Variants in TBC1D5 observed in about 807,000 individuals in gnomAD.
The protein encoded by TBC1D5 is TBC1 domain family, member 5.
A neutral mutation model predicts 100.3 loss-of-function variants in TBC1D5; 75 were observed. The observed-to-expected ratio is 0.75, with a 90% CI of 0.62 to 0.91. The LOEUF (loss-of-function observed/expected upper bound fraction) is 0.91. TBC1D5 is among the 40% of genes least tolerant of loss of function. The pLI, the probability that TBC1D5 is intolerant of heterozygous loss-of-function variation, is 0.00. For missense variants in TBC1D5, 910 were observed against 942.4 expected (o/e 0.97, Z 0.45); for synonymous variants, 323 against 325.6 (o/e 0.99, Z 0.09).
intron 15 of TBC1D5, among the ~76,000 whole-genome samples, chr3:17,273,013 C>A (rs959875131): frequency 6.6e-6 from 1 of 152,132 alleles, no homozygotes; most frequent in Non-Finnish European, 1.5e-5. Context: ...CCTCTACAAT[C>A]TTATTGCTTG....
intron 15 of TBC1D5, among the ~76,000 whole-genome samples, chr3:17,271,747 T>C (rs1457816138): frequency 1.3e-5 from 2 of 152,184 alleles, no homozygotes; most frequent in Non-Finnish European, 2.9e-5. Context: ...GGGTTTGTCA[T>C]AGATGACTCA....
rs536661852 is a variant in TBC1D5, at chr3:17,334,123, T to C, written c.996-25989A>G. 4.0e-4 allele frequency among the ~76,000 whole-genome samples: 61 copies of C among 152,154 alleles called. 1 individual carries two copies. The South Asian group carries it at 0.013, about 32-fold the overall frequency. On this transcript the variant is annotated intron_variant, in intron 13 of 21. Transcript: ENST00000253692. ...GGTGACAAGTCAGAGAGTAGCATGCTTAAAATGAAGGCTCTTGAGGTGGTG... is the reference window on the plus strand; with the variant it reads ...GGTGACAAGTCAGAGAGTAGCATGCCTAAAATGAAGGCTCTTGAGGTGGTG...
chr3:17,732,062 A>C (rs1164907201), intron 1 of TBC1D5, among the ~76,000 whole-genome samples: 2 of 152,172 alleles, frequency 1.3e-5, no homozygotes, highest in African/African-American at 4.8e-5. Context: ...TCACACCTGT[A>C]ATCCCAGCAC....
intron 9 of TBC1D5, among the ~76,000 whole-genome samples, chr3:17,379,157 T>C (rs1225109078): frequency 1.3e-5 from 2 of 151,960 alleles, no homozygotes; most frequent in Admixed American, 1.3e-4. Flanking sequence ...CATTATCATG[T>C]AGGTTACATA....
At chr3:17,629,219 T>C (rs767543226) in intron 1 of TBC1D5, among the ~76,000 whole-genome samples, 16 of 152,298 alleles carry the variant, frequency 1.1e-4, no homozygotes, top group Admixed American at 4.6e-4. Flanking sequence ...TTTGGGGAAA[T>C]TCCAGACTAC....
At chr3:17,674,396 GATAA>G (rs1426266638) in intron 1 of TBC1D5, among the ~76,000 whole-genome samples, 18 of 152,274 alleles carry the variant, frequency 1.2e-4, no homozygotes, top group African/African-American at 2.6e-4. Flanking sequence ...CATAAAAACT[GATAA>G]ATATTCTCTC....
intron 3 of TBC1D5, among the ~76,000 whole-genome samples, chr3:17,472,095 T>C (rs763309265): frequency 2.6e-5 from 4 of 152,050 alleles, no homozygotes; most frequent in African/African-American, 7.2e-5. Flanking sequence ...AACACTAATC[T>C]AGTATATTAT....
At chr3:17,717,950 T>C (rs1292881023) in intron 1 of TBC1D5, among the ~76,000 whole-genome samples, 2 of 152,150 alleles carry the variant, frequency 1.3e-5, no homozygotes, top group Non-Finnish European at 2.9e-5. Context: ...TACACTAGAA[T>C]ACTGCTCTAG....
At chr3:17,484,471 T>A (rs1456484318) in intron 3 of TBC1D5, among the ~76,000 whole-genome samples, 2 of 149,812 alleles carry the variant, frequency 1.3e-5, no homozygotes, top group Non-Finnish European at 3.0e-5. Flanking sequence ...TGTGTGTGTG[T>A]GTGTGTGTGT....
chr3:17,467,122 T>C (rs928265881), intron 3 of TBC1D5, among the ~76,000 whole-genome samples: 11 of 152,078 alleles, frequency 7.2e-5, no homozygotes, highest in African/African-American at 2.7e-4. Flanking sequence ...TTCATAATTA[T>C]AAATGTTTTG....
At position 17,600,826 on chromosome 3, in the gene TBC1D5, GC is replaced by G. The variant is rs146581016; in HGVS notation, c.-36+23022del. ...GCCCTTAGGACATTTGAAAGACCGG[GC>G]GGGGGAAAAAAACTGCCCAAAGTCA... On this transcript the variant is annotated intron_variant, in intron 2 of 21. Transcript: ENST00000253692. 3.6e-3 allele frequency among the ~76,000 whole-genome samples: 551 copies of G among 152,162 alleles called. 2 individuals are homozygous for G. Among genetic ancestry groups the G allele is most frequent in the African/African-American group, 0.012 (514 of 41,518 alleles).
intron 21 of TBC1D5, among the ~76,000 whole-genome samples, chr3:17,166,111 G>A (rs1468778622): frequency 1.3e-5 from 2 of 152,080 alleles, no homozygotes; most frequent in African/African-American, 4.8e-5. Context: ...AATCCAGCCT[G>A]TGGCCTGTTT....
intron 17 of TBC1D5, among the ~76,000 whole-genome samples, chr3:17,228,077 T>C (rs1400844666): frequency 1.3e-5 from 2 of 151,944 alleles, no homozygotes; most frequent in African/African-American, 4.8e-5. Flanking sequence ...GGCCAGAAAA[T>C]TGAGTGAGGA....
At chr3:17,368,233 G>A (rs1352999478) in intron 13 of TBC1D5, among the ~76,000 whole-genome samples, 2 of 152,106 alleles carry the variant, frequency 1.3e-5, no homozygotes, top group Non-Finnish European at 2.9e-5. Flanking sequence ...CTAGGATCAT[G>A]TAATTTAGAA....
intron 3 of TBC1D5, among the ~76,000 whole-genome samples, chr3:17,473,889 C>T (rs1425631316): frequency 6.9e-6 from 1 of 144,600 alleles, no homozygotes; most frequent in Non-Finnish European, 1.5e-5. Context: ...TTTTACTTTA[C>T]TTTTTTTTTT....
intron 15 of TBC1D5, among the ~76,000 whole-genome samples, chr3:17,286,108 A>G (rs2081162584): frequency 6.6e-6 from 1 of 152,202 alleles, no homozygotes; most frequent in Non-Finnish European, 1.5e-5. Flanking sequence ...CATGTACTGT[A>G]TTTCATTTAT....
chr3:17,717,041 G>A (rs973038135), intron 1 of TBC1D5, among the ~76,000 whole-genome samples: 7 of 152,024 alleles, frequency 4.6e-5, no homozygotes, highest in African/African-American at 7.2e-5. Flanking sequence ...TTCATTTTAT[G>A]TAAAACTCTC....
chr3:17,257,180 G>A (rs1653551263), intron 16 of TBC1D5, among the ~76,000 whole-genome samples: 1 of 152,094 alleles, frequency 6.6e-6, no homozygotes, highest in Admixed American at 6.5e-5. Context: ...AATCTTGTGG[G>A]GGTTGGGAGG....
In TBC1D5 at chr3:17,579,332, C is replaced by T. The variant is rs139044122; in HGVS notation, c.-36+44517G>A. 1.7e-4 allele frequency among the ~76,000 whole-genome samples: 26 copies of T among 152,076 alleles called. No individual in the cohort carries two copies. In the East Asian group the frequency reaches 5.0e-3, roughly 29 times the overall value. On this transcript the variant is annotated intron_variant, in intron 2 of 21. Transcript: ENST00000253692. ...CACAGGTGAATGTAAATTAGAAATACAGCCATCTTTCAATTATTATGGGTT... is the reference window on the plus strand; with the variant it reads ...CACAGGTGAATGTAAATTAGAAATATAGCCATCTTTCAATTATTATGGGTT...
Sources: allele counts gnomAD v4.1 joint callset (sites outside exome capture counted in the v4.1 genomes callset), GRCh38; gene constraint gnomAD v4.1.1; transcripts MANE v1.5; gene names NCBI Gene and HGNC (gene_info 2026-07-23, HGNC 2026-07-21).